Variants in NAV3 observed in about 807,000 individuals in gnomAD.
NAV3 encodes the protein neuron navigator 3, also known as pore membrane and/or filament interacting like protein 1.
A neutral mutation model predicts 244.7 loss-of-function variants in NAV3; 87 were observed. The ratio of observed to expected loss-of-function variants is 0.36; its 90% CI spans 0.30 to 0.42. The LOEUF (loss-of-function observed/expected upper bound fraction) is 0.42, where lower values mean the gene tolerates loss of function less well. NAV3 is among the 20% of genes least tolerant of loss of function. The pLI, the probability that NAV3 is intolerant of heterozygous loss-of-function variation, is 1.00. For synonymous variants in NAV3, 1,126 were observed against 1,042.2 expected (o/e 1.08, Z -1.55); for missense variants, 2,663 against 2,893.3 (o/e 0.92, Z 1.83).
intron 1 of NAV3, among the ~76,000 whole-genome samples, chr12:77,835,555 T>C (rs1283429930): frequency 6.6e-6 from 1 of 152,210 alleles, no homozygotes; most frequent in Non-Finnish European, 1.5e-5. Context: ...TAGACTAATA[T>C]CTGGTAAAGT....
intron 2 of NAV3, among the ~76,000 whole-genome samples, chr12:77,745,962 C>A (rs1484320603): frequency 1.4e-5 from 2 of 139,500 alleles, no homozygotes; most frequent in Non-Finnish European, 1.5e-5. Flanking sequence ...CCAGGCAGAC[C>A]CACAAAATTG....
At chr12:78,058,136 T>C (rs1472232963) in intron 11 of NAV3, among the ~76,000 whole-genome samples, 3 of 152,200 alleles carry the variant, frequency 2.0e-5, no homozygotes, top group South Asian at 2.1e-4. Flanking sequence ...TGATATGAGA[T>C]ATTAAATATA....
intron 34 of NAV3, among the ~76,000 whole-genome samples, chr12:78,195,739 C>T (rs1278741841): frequency 6.6e-6 from 1 of 152,014 alleles, no homozygotes; most frequent in African/African-American, 2.4e-5. Context: ...TTACCTCCTC[C>T]AGAAAACCAT....
intron 1 of NAV3, among the ~76,000 whole-genome samples, chr12:77,918,117 C>T (rs960849925): frequency 6.6e-6 from 1 of 152,000 alleles, no homozygotes; most frequent in African/African-American, 2.4e-5. Context: ...AATATTTTGG[C>T]GTCTTTCCTT....
chr12:77,919,141 A>G (rs1887460935), intron 1 of NAV3, among the ~76,000 whole-genome samples: 3 of 152,112 alleles, frequency 2.0e-5, no homozygotes, highest in African/African-American at 2.4e-5. Context: ...GGGTATGGAT[A>G]TCACAGAAAG....
chr12:77,704,455 T>C lies in NAV3; in HGVS notation c.72+132189T>C, dbSNP rs1427782327. On this transcript the variant is annotated intron_variant, in intron 2 of 8. Transcript: ENST00000550042. ...TCAGTCAAGCAGCCCTGATTCCTAC[T>C]TGCTTGATATCCAAAATAGTATTGT... 2.0e-5 allele frequency among the ~76,000 whole-genome samples: 3 copies of C among 152,186 alleles called. 1 individual carries two copies. Among genetic ancestry groups the C allele is most frequent in the Non-Finnish European group, 1.5e-5 (1 of 68,018 alleles).
chr12:78,127,973 A>G (rs917990644), intron 17 of NAV3, among the ~76,000 whole-genome samples: 1 of 152,174 alleles, frequency 6.6e-6, no homozygotes, highest in African/African-American at 2.4e-5. Context: ...TAATAGAGGT[A>G]TAACACTGTA....
intron 2 of NAV3, among the ~76,000 whole-genome samples, chr12:77,769,664 G>C (rs1328286539): frequency 6.6e-6 from 1 of 152,130 alleles, no homozygotes; most frequent in African/African-American, 2.4e-5. Context: ...TATCTCAAGT[G>C]GATTACTTTT....
intron 1 of NAV3, among the ~76,000 whole-genome samples, chr12:77,891,485 G>C (rs1272504134): frequency 6.6e-6 from 1 of 151,930 alleles, no homozygotes; most frequent in Non-Finnish European, 1.5e-5. Flanking sequence ...AATATATGTA[G>C]TCTTTTTGGA....
chr12:77,766,807 A>C (rs1869797249), intron 2 of NAV3, among the ~76,000 whole-genome samples: 1 of 124,978 alleles, frequency 8.0e-6, no homozygotes, highest in Non-Finnish European at 1.6e-5. Context: ...AGGCTGGAGT[A>C]TAGTGGCGTG....
rs559917430 is a variant in NAV3, at chr12:77,753,384, C to A, written c.72+181118C>A. 8.5e-5 allele frequency among the ~76,000 whole-genome samples: 13 copies of A among 152,176 alleles called. No homozygotes were observed. In the East Asian group the frequency reaches 1.9e-3, roughly 23 times the overall value. Reference sequence around the variant, plus strand: ...CTTTAAAATATCCTCTAAATCACTTCTTTTAAAGTAGATAACCAGTCAAAA... The same window carrying A: ...CTTTAAAATATCCTCTAAATCACTTATTTTAAAGTAGATAACCAGTCAAAA... On this transcript the variant is annotated intron_variant, in intron 2 of 8. Coordinates refer to the NAV3 transcript ENST00000550042.
chr12:77,995,752 CAA>C (rs1472109725), intron 6 of NAV3, among the ~76,000 whole-genome samples: 1 of 151,998 alleles, frequency 6.6e-6, no homozygotes, highest in African/African-American at 2.4e-5. Flanking sequence ...TCTCGAAAGA[CAA>C]ATTTTAAAAG....
intron 2 of NAV3, among the ~76,000 whole-genome samples, chr12:77,734,153 T>C (rs75890318): frequency 2.1e-3 from 323 of 152,224 alleles, no homozygotes; most frequent in African/African-American, 7.5e-3. Flanking sequence ...ATATCATTGT[T>C]CACTTATGCT....
At chr12:77,975,401 AACTT>A (rs1313352539) in intron 5 of NAV3, among the ~76,000 whole-genome samples, 1 of 152,240 alleles carries the variant, frequency 6.6e-6, no homozygotes, top group African/African-American at 2.4e-5. Context: ...AGATAACACA[AACTT>A]AATTAAAATA....
intron 2 of NAV3, among the ~76,000 whole-genome samples, chr12:77,616,383 G>C (rs148739995): frequency 6.6e-6 from 1 of 152,066 alleles, no homozygotes; most frequent in Non-Finnish European, 1.5e-5. Context: ...TTCCAGCCTG[G>C]GCAATAAAAT....
chr12:77,925,113 T>C (rs1296340617), intron 1 of NAV3, among the ~76,000 whole-genome samples: 1 of 152,024 alleles, frequency 6.6e-6, no homozygotes, highest in East Asian at 1.9e-4. Context: ...GGTGAAAGGT[T>C]GGGAAAAAAA....
At chr12:78,129,683 A>G (rs1332614849) in intron 18 of NAV3, among the ~76,000 whole-genome samples, 1 of 152,144 alleles carries the variant, frequency 6.6e-6, no homozygotes, top group Non-Finnish European at 1.5e-5. Flanking sequence ...CATTATTTTT[A>G]TGGTAAATAT....
At chr12:77,849,275 T>G (rs2136231070) in intron 1 of NAV3, among the ~76,000 whole-genome samples, 1 of 152,302 alleles carries the variant, frequency 6.6e-6, no homozygotes, top group East Asian at 1.9e-4. Context: ...AATAATTATT[T>G]TTATGATTGT....
intron 2 of NAV3, among the ~76,000 whole-genome samples, chr12:77,599,719 ATAAT>A (rs1347601742): frequency 6.6e-6 from 1 of 151,910 alleles, no homozygotes; most frequent in Non-Finnish European, 1.5e-5. Context: ...TAAGGTTTCA[ATAAT>A]TAAGTCATCT....
Sources: gnomAD v4.1 joint callset for allele counts (sites outside exome capture counted in the v4.1 genomes callset) on GRCh38, gnomAD v4.1.1 for gene constraint, MANE v1.5 for transcripts, NCBI Gene and HGNC (gene_info 2026-07-23, HGNC 2026-07-21) for gene names.